The following CALHM1 variants were observed in gnomAD, a reference collection of about 807,000 sequenced individuals.
CALHM1 encodes the protein calcium homeostasis modulator protein 1.
A neutral mutation model predicts 14.8 loss-of-function variants in CALHM1; 11 were observed. The ratio of observed to expected loss-of-function variants is 0.74; its 90% CI spans 0.47 to 1.23. The LOEUF (loss-of-function observed/expected upper bound fraction) is 1.23. CALHM1 is among the 50% of genes most tolerant of loss of function. The pLI, the probability that CALHM1 is intolerant of heterozygous loss-of-function variation, is 0.00. For missense variants in CALHM1, 458 were observed against 496.4 expected (o/e 0.92, Z 0.74); for synonymous variants, 215 against 218.9 (o/e 0.98, Z 0.16).
At position 103,454,008 on chromosome 10, in the gene CALHM1, G is replaced by A. The variant is rs11191692; in HGVS notation, c.*1254C>T. The A allele has an allele frequency of 0.29, 44,574 of 152,122 alleles. 7,738 individuals carry two copies. Among genetic ancestry groups the A allele is most frequent in the South Asian group, 0.47 (2,257 of 4,832 alleles). 9.4% of individuals were successfully genotyped at this position (152,122 alleles called of 1,614,324 possible). A position where few individuals can be genotyped will look rare whatever the true frequency, so the allele number is the denominator to read the frequency against. ...GGACTTATGTCTCAGAGCTGAGGGCGGTGCTGAGAAACCTATCTGTACCTC... is the reference window on the plus strand; with the variant it reads ...GGACTTATGTCTCAGAGCTGAGGGCAGTGCTGAGAAACCTATCTGTACCTC... On this transcript the variant is annotated 3_prime_UTR_variant, in exon 2 of 2. Coordinates refer to ENST00000329905, the MANE Select transcript of CALHM1 (RefSeq NM_001001412.4).
chr10:103,454,383 C>T lies in CALHM1; in HGVS notation c.*879G>A, dbSNP rs2033117079. On this transcript the variant is annotated 3_prime_UTR_variant, in exon 2 of 2. Coordinates refer to ENST00000329905, the MANE Select transcript of CALHM1 (RefSeq NM_001001412.4). ...CTGCTCTCCTCCACCCTCATCCCAC[C>T]TGGGCTAGAGCCTTGGAGCTCCTCT... 6.6e-6 allele frequency: 1 copy of T among 152,294 alleles called. No individual in the cohort carries two copies. The allele number at this position is 152,294 out of a possible 1,614,324, so 9.4% of individuals were successfully genotyped here. A position where few individuals can be genotyped will look rare whatever the true frequency, so the allele number is the denominator to read the frequency against.
chr10:103,455,258 C>T lies in CALHM1; in HGVS notation c.*4G>A, dbSNP rs766389838. Reference sequence around the variant, plus strand: ...CCGTTCCTGCCTCTTCAGCTGGCCACACCTCACACTTTGCTGAAGTAGGTG... The same window carrying T: ...CCGTTCCTGCCTCTTCAGCTGGCCATACCTCACACTTTGCTGAAGTAGGTG... On this transcript the variant is annotated 3_prime_UTR_variant, in exon 2 of 2. Transcript: ENST00000329905. 1.5e-5 allele frequency: 24 copies of T among 1,586,828 alleles called. No individual in the cohort carries two copies. The highest frequency in any genetic ancestry group is 9.1e-5 in the East Asian group (4 of 43,892).
At chr10:103,457,741 C>A (rs1228096214) in intron 1 of CALHM1, among the ~76,000 whole-genome samples, 1 of 152,228 alleles carries the variant, frequency 6.6e-6, no homozygotes, top group African/African-American at 2.4e-5. Context: ...CTCACCCATG[C>A]ACCCCCTTCC....
rs776102876 is a variant in CALHM1 at position 103,454,427 on chromosome 10, TC to T, written c.*834del. On this transcript the variant is annotated 3_prime_UTR_variant, in exon 2 of 2. Coordinates refer to ENST00000329905, the MANE Select transcript of CALHM1 (RefSeq NM_001001412.4). ...CTCCTCTTAGCCTCTTAGAACTCCATCCCCAAGAGGTGGGGTCTTTGAGAAA... is the reference window on the plus strand; with the variant it reads ...CTCCTCTTAGCCTCTTAGAACTCCATCCCAAGAGGTGGGGTCTTTGAGAAA... 29 of 152,168 alleles carry T rather than the reference TC, an allele frequency of 1.9e-4. No homozygotes were observed. The highest frequency in any genetic ancestry group is 9.8e-4 in the Admixed American group (15 of 15,276). 9.4% of individuals were successfully genotyped at this position (152,168 alleles called of 1,614,324 possible). A position where few individuals can be genotyped will look rare whatever the true frequency, so the allele number is the denominator to read the frequency against.
chr10:103,457,258 C>T (rs2033161165), intron 1 of CALHM1, among the ~76,000 whole-genome samples: 1 of 152,210 alleles, frequency 6.6e-6, no homozygotes, highest in South Asian at 2.1e-4. Flanking sequence ...ATGACAGCTG[C>T]CAAGGCCCTG....
In CALHM1 at chr10:103,458,399, G is replaced by C. The variant is rs369608076; in HGVS notation, c.353C>G (p.Thr118Arg). 6 of 1,609,040 alleles carry C rather than the reference G, an allele frequency of 3.7e-6. No individual in the cohort carries two copies. Among genetic ancestry groups the C allele is most frequent in the African/African-American group, 1.3e-5 (1 of 74,934 alleles). Residue 118 changes from threonine (T) to arginine (R), a missense_variant, in exon 1 of 2, where the codon ACG becomes AGG. Thr to Arg is a moderately conservative substitution (Grantham distance 71, BLOSUM62 -1). Coordinates refer to ENST00000329905, the MANE Select transcript of CALHM1 (RefSeq NM_001001412.4). The surrounding 1 kb of genome is among the most constrained non-coding windows in gnomAD (Gnocchi z 4.9). Reference protein sequence around the residue: ...LIAPVVWVAVTLLDGKCFLCA... With the variant: ...LIAPVVWVAVRLLDGKCFLCA... ...GAGGAAGCATTTGCCGTCGAGTAGC[G>C]TGACGGCCACCCAGACGACAGGCGC...
rs1364090395 is a variant in CALHM1 at position 103,455,179 on chromosome 10, A to G, written c.*83T>C. The G allele has an allele frequency of 1.4e-6, 2 of 1,476,096 alleles. No homozygotes were observed. Among genetic ancestry groups the G allele is most frequent in the Non-Finnish European group, 1.8e-6 (2 of 1,112,578 alleles). The allele number at this position is 1,476,096 out of a possible 1,614,324, so 91.4% of individuals were successfully genotyped here. ...TAGGGGAGTACTGCCCAGCACTGAA[A>G]CCCTTCCTTTTTCCACCTGGTTTGG... On this transcript the variant is annotated 3_prime_UTR_variant, in exon 2 of 2. Transcript: ENST00000329905.
intron 1 of CALHM1, among the ~76,000 whole-genome samples, chr10:103,457,742 A>T (rs1269483543): frequency 6.6e-6 from 1 of 151,784 alleles, no homozygotes; most frequent in Non-Finnish European, 1.5e-5. Context: ...TCACCCATGC[A>T]CCCCCTTCCA....
In CALHM1 at chr10:103,458,347, C is replaced by T. The variant is rs747815372; in HGVS notation, c.405G>A (p.Val135=). 1.2e-6 allele frequency: 2 copies of T among 1,610,932 alleles called. No homozygotes were observed. The highest frequency in any genetic ancestry group is 2.2e-5 in the East Asian group (1 of 44,824). The change falls in exon 1 of 2, where the codon GTG becomes GTA. Residue 135 remains valine (V), a synonymous_variant. Transcript: ENST00000329905. The surrounding 1 kb of genome is among the most constrained non-coding windows in gnomAD (Gnocchi z 4.9). ...CCAGGCTGCCGTTGCCCAGTGCGCTCACGGGCACGGCAGTGCAGAAGGCAC... is the reference window on the plus strand; with the variant it reads ...CCAGGCTGCCGTTGCCCAGTGCGCTTACGGGCACGGCAGTGCAGAAGGCAC... ...FLCAFCTAVP[V]SALGNGSLAP...
In CALHM1 at chr10:103,455,550, G is replaced by A. The variant is rs752676273; in HGVS notation, c.753C>T (p.Phe251=). 2.3e-5 allele frequency: 37 copies of A among 1,613,880 alleles called. No homozygotes were observed. Among genetic ancestry groups the A allele is most frequent in the Admixed American group, 1.8e-4 (11 of 60,004 alleles). ...AFAKVCIQQF[F]EAMNHDLELG... is the part of the protein sequence containing the mutation. The stretch of plus-strand genomic sequence containing the variant: ...GCTCCAGGTCATGGTTCATGGCCTC[G>A]AAGAACTGCTGGATGCAGACCTTGG... The change falls in exon 2 of 2, where the codon TTC becomes TTT. Residue 251 remains phenylalanine (F), a synonymous_variant. Transcript: ENST00000329905.
rs192144932 is a variant in CALHM1, at chr10:103,455,362, C to T, written c.941G>A (p.Arg314Gln). 2.4e-5 allele frequency: 39 copies of T among 1,613,700 alleles called. 1 individual carries two copies. Among genetic ancestry groups the T allele is most frequent in the African/African-American group, 6.7e-5 (5 of 74,948 alleles). Residue 314 changes from arginine to glutamine, a missense_variant, in exon 2 of 2, where the codon CGG becomes CAG. By Grantham distance (43) the Arg-to-Gln change is conservative (BLOSUM62 1). Transcript: ENST00000329905. Reference sequence around the variant, plus strand: ...CAGCGGTGGCTCCTCCTGGCCCAGCCGCAGAGGCGGTTTGCATTTGTGCCA... The same window carrying T: ...CAGCGGTGGCTCCTCCTGGCCCAGCTGCAGAGGCGGTTTGCATTTGTGCCA... ...TSWHKCKPPLRLGQEEPPLMG... is the reference protein window; with the variant it reads ...TSWHKCKPPLQLGQEEPPLMG...
chr10:103,457,873 A>G (rs1371555513), intron 1 of CALHM1, among the ~76,000 whole-genome samples: 1 of 152,232 alleles, frequency 6.6e-6, no homozygotes, highest in Non-Finnish European at 1.5e-5. Context: ...GAGGCCCGGA[A>G]GAGGGAAAGC....
intron 1 of CALHM1, among the ~76,000 whole-genome samples, chr10:103,456,958 T>TTTTTC (rs2033157943): frequency 6.6e-6 from 1 of 152,076 alleles, no homozygotes; most frequent in Non-Finnish European, 1.5e-5. Flanking sequence ...CTGGCTAATT[T>TTTTTC]TTTTCTTTTC....
rs779506837 is a variant in CALHM1 at position 103,455,571 on chromosome 10, C to G, written c.732G>C (p.Lys244Asn). ...CCTCGAAGAACTGCTGGATGCAGAC[C>G]TTGGCAAAGGCTTTGGCGTGCTCCG... ...TCTEHAKAFA[K>N]VCIQQFFEAM... Residue 244 changes from lysine to asparagine, a missense_variant, in exon 2 of 2, where the codon AAG becomes AAC. Lys to Asn is a moderately conservative substitution (Grantham distance 94). Coordinates refer to ENST00000329905, the MANE Select transcript of CALHM1 (RefSeq NM_001001412.4). 8.1e-6 allele frequency: 13 copies of G among 1,614,052 alleles called. No homozygotes were observed. In the South Asian group the frequency reaches 1.4e-4, roughly 18 times the overall value.
chr10:103,457,192 C>T (rs189574288), intron 1 of CALHM1, among the ~76,000 whole-genome samples: 1 of 152,366 alleles, frequency 6.6e-6, no homozygotes, highest in Non-Finnish European at 1.5e-5. Flanking sequence ...GCCAGGCAGC[C>T]TGTGGCCTCT....
chr10:103,457,508 C>T (rs1054910879), intron 1 of CALHM1, among the ~76,000 whole-genome samples: 1 of 152,238 alleles, frequency 6.6e-6, no homozygotes, highest in East Asian at 1.9e-4. Flanking sequence ...CCCAGCCCCT[C>T]GCCCTGACAG....
chr10:103,458,779 C>G lies in CALHM1; in HGVS notation c.-28G>C. ...CCGCTGTGGGGCCCGGCCTCCTCTTCCCAACTCACTGCTGCCTCCAAGAGG... is the reference window on the plus strand; with the variant it reads ...CCGCTGTGGGGCCCGGCCTCCTCTTGCCAACTCACTGCTGCCTCCAAGAGG... On this transcript the variant is annotated 5_prime_UTR_variant, in exon 1 of 2. Coordinates refer to ENST00000329905, the MANE Select transcript of CALHM1 (RefSeq NM_001001412.4). The surrounding 1 kb of genome is among the most constrained non-coding windows in gnomAD (Gnocchi z 4.9). The G allele has an allele frequency of 6.4e-7, 1 of 1,570,594 alleles. No homozygotes were observed.
Position 103,458,587 on chromosome 10 carries a change from G to C in CALHM1, c.165C>G (p.Gly55=). The C allele has an allele frequency of 6.2e-7, 1 of 1,613,972 alleles. No homozygotes were observed. The highest frequency in any genetic ancestry group is 8.5e-7 in the Non-Finnish European group (1 of 1,180,034). The part of the protein sequence containing the change: ...LPGYNAAYSA[G]ILLAPPLVLF... Reference sequence around the variant, plus strand: ...GCACCAGGGGTGGCGCCAGCAGGATGCCCGCGCTGTAGGCTGCATTGTAGC... The same window carrying C: ...GCACCAGGGGTGGCGCCAGCAGGATCCCCGCGCTGTAGGCTGCATTGTAGC... The change falls in exon 1 of 2, where the codon GGC becomes GGG. Residue 55 remains glycine, a synonymous_variant. Transcript: ENST00000329905. The surrounding 1 kb of genome is among the most constrained non-coding windows in gnomAD (Gnocchi z 4.9).
Position 103,458,779 on chromosome 10 carries a change from C to T in CALHM1, c.-28G>A. ...CCGCTGTGGGGCCCGGCCTCCTCTT[C>T]CCAACTCACTGCTGCCTCCAAGAGG... is the stretch of plus-strand genomic sequence containing the variant. On this transcript the variant is annotated 5_prime_UTR_variant, in exon 1 of 2. Coordinates refer to ENST00000329905, the MANE Select transcript of CALHM1 (RefSeq NM_001001412.4). This position sits in a 1 kb window ranked among gnomAD's most constrained non-coding sequence, Gnocchi z 4.9. 1 of 1,570,594 alleles carries T rather than the reference C, an allele frequency of 6.4e-7. No homozygotes were observed. Among genetic ancestry groups the T allele is most frequent in the Non-Finnish European group, 8.6e-7 (1 of 1,160,102 alleles).
Sources: allele counts gnomAD v4.1 joint callset (sites outside exome capture counted in the v4.1 genomes callset), GRCh38; gene constraint gnomAD v4.1.1; non-coding constraint Gnocchi (gnomAD v3.1); transcripts MANE v1.5; gene names NCBI Gene and HGNC (gene_info 2026-07-23, HGNC 2026-07-21).